ADGRG5: variants seen among roughly 807,000 people sequenced by gnomAD.
ADGRG5 encodes the protein adhesion G protein-coupled receptor G5, also known as G protein-coupled receptor 114.
ADGRG5 carries 37 observed loss-of-function variants against 53.2 expected under a neutral mutation model. The observed-to-expected ratio is 0.70, with a 90% CI of 0.53 to 0.91. The LOEUF is 0.91. Among genes scored for constraint, ADGRG5 ranks in the 40% least tolerant of loss-of-function variants. The probability of loss-of-function intolerance (pLI) is 0.00; values close to 1 mark genes in which losing one functional copy is unlikely to be tolerated. For synonymous variants in ADGRG5, 277 were observed against 290.4 expected (o/e 0.95, Z 0.47); for missense variants, 614 against 675.8 (o/e 0.91, Z 1.01).
In ADGRG5 at chr16:57,576,047, G is replaced by A. The variant is rs2146852450; in HGVS notation, c.*509G>A. Reference sequence around the variant, plus strand: ...GCCTCCACCTGCTTGCTAGGGGCAGGATCTCATTCAGGCTGCCCTGGAAGC... The same window carrying A: ...GCCTCCACCTGCTTGCTAGGGGCAGAATCTCATTCAGGCTGCCCTGGAAGC... On this transcript the variant is annotated 3_prime_UTR_variant, in exon 12 of 12. Coordinates refer to ENST00000349457, the MANE Select transcript of ADGRG5 (RefSeq NM_001304376.3). 6.4e-6 allele frequency: 1 copy of A among 156,762 alleles called. No homozygotes were observed. The highest frequency in any genetic ancestry group is 1.9e-4 in the East Asian group (1 of 5,352). The allele number at this position is 156,762 out of a possible 1,614,324, so 9.7% of individuals were successfully genotyped here.
At chr16:57,536,028 G>A in the ADGRG5 span, among the ~76,000 whole-genome samples, 2 of 152,330 alleles carry the variant, frequency 1.3e-5, no homozygotes, top group Admixed American at 6.5e-5. Flanking sequence ...AGGGTGGAGG[G>A]GGTTCCCGGC....
chr16:57,560,633 G>A (rs1273119631), intron 1 of ADGRG5, among the ~76,000 whole-genome samples: 1 of 152,190 alleles, frequency 6.6e-6, no homozygotes, highest in Non-Finnish European at 1.5e-5. Context: ...TGATTATGGT[G>A]CATCCTCTCT....
intron 8 of ADGRG5, 101 bp downstream of exon 8, chr16:57,567,692 G>A (rs1282939485): frequency 2.0e-6 from 3 of 1,488,042 alleles, no homozygotes; most frequent in Non-Finnish European, 2.7e-6. Context: ...TTCTCCAGAG[G>A]GTGGGGACCA....
chr16:57,536,214 C>T, the ADGRG5 span, among the ~76,000 whole-genome samples: 17 of 152,102 alleles, frequency 1.1e-4, no homozygotes, highest in Non-Finnish European at 2.4e-4. Context: ...CCGCCGCCCC[C>T]TCCCGTCCGG....
chr16:57,535,986 C>A, the ADGRG5 span, among the ~76,000 whole-genome samples: 1 of 152,204 alleles, frequency 6.6e-6, no homozygotes, highest in Non-Finnish European at 1.5e-5. Flanking sequence ...GCTGGCCCTG[C>A]GAACCGCCCC....
chr16:57,537,278 C>T, the ADGRG5 span, among the ~76,000 whole-genome samples: 1 of 151,260 alleles, frequency 6.6e-6, no homozygotes, highest in Non-Finnish European at 1.5e-5. Flanking sequence ...GTCTGGAGGA[C>T]TCCCCACTAC....
Position 57,545,796 on chromosome 16 carries a change from A to G in ADGRG5, c.-39+3095A>G, listed in dbSNP as rs112550250. On this transcript the variant is annotated intron_variant, in intron 1 of 11. Transcript: ENST00000349457. ...TTACAAACAATGTAGCTGTGCTTAT[A>G]TTATTTCTCACATGTGCAAGTTCAC... Among the ~76,000 whole-genome samples the G allele has an allele frequency of 7.0e-3, 1,037 of 148,548 alleles. 14 individuals carry two copies. Among genetic ancestry groups the G allele is most frequent in the African/African-American group, 0.025 (998 of 39,836 alleles).
chr16:57,543,787 G>C (rs1230950910), intron 1 of ADGRG5, among the ~76,000 whole-genome samples: 2 of 152,164 alleles, frequency 1.3e-5, no homozygotes, highest in Non-Finnish European at 2.9e-5. Context: ...CCCAAGCCTT[G>C]TGCTCAGATG....
chr16:57,562,303 C>T (rs2033023435), intron 2 of ADGRG5, 81 bp from the exon 3 acceptor site: 5 of 1,436,800 alleles, frequency 3.5e-6, no homozygotes, highest in South Asian at 2.4e-5. Flanking sequence ...ACTAGACTCT[C>T]AGGGTGGGAT....
chr16:57,564,077 CTGAG>C, intron 5 of ADGRG5, 98 bp downstream of exon 5: 2 of 1,317,410 alleles, frequency 1.5e-6, no homozygotes, highest in South Asian at 2.7e-5. Flanking sequence ...GTGACCAGCA[CTGAG>C]TGAGACCAAC....
chr16:57,563,010 C>T, intron 3 of ADGRG5, 81 bp from the exon 4 acceptor site: 2 of 1,456,876 alleles, frequency 1.4e-6, no homozygotes, highest in Admixed American at 3.4e-5. Context: ...GAGGCCCTGC[C>T]CTCCCAGGCT....
chr16:57,574,482 G>A lies in ADGRG5; in HGVS notation c.1209-333G>A, dbSNP rs1009745637. ...GATCCAATAGAAGATGGGGCATGCC[G>A]GCCTTGGGCTGGCCATGGAAGCAGA... On this transcript the variant is annotated intron_variant, in intron 10 of 11. Transcript: ENST00000349457. The surrounding 1 kb of genome is among the most constrained non-coding windows in gnomAD (Gnocchi z 4.4). 2.0e-5 allele frequency among the ~76,000 whole-genome samples: 3 copies of A among 152,252 alleles called. No individual in the cohort carries two copies. Among genetic ancestry groups the A allele is most frequent in the African/African-American group, 7.2e-5 (3 of 41,464 alleles).
At chr16:57,550,137 T>C (rs2032713304) in intron 1 of ADGRG5, among the ~76,000 whole-genome samples, 1 of 152,150 alleles carries the variant, frequency 6.6e-6, no homozygotes, top group Admixed American at 6.5e-5. Context: ...CTACCACACC[T>C]GGCTAATTGT....
chr16:57,570,008 T>TCACCACCTACTC (rs1555523435), intron 9 of ADGRG5, among the ~76,000 whole-genome samples: 78 of 150,478 alleles, frequency 5.2e-4, no homozygotes, highest in East Asian at 8.0e-4. Flanking sequence ...TTCACCACCA[T>TCACCACCTACTC]CACCACCTAC....
intron 6 of ADGRG5, chr16:57,566,054 G>A (rs139981459): frequency 2.6e-5 from 4 of 152,550 alleles, no homozygotes; most frequent in Non-Finnish European, 4.4e-5. Flanking sequence ...CGTCCTCTAA[G>A]GGTTCAGGGC....
At position 57,563,916 on chromosome 16, in the gene ADGRG5, C is replaced by T. The variant is rs1360057611; in HGVS notation, c.366C>T (p.Cys122=). The T allele has an allele frequency of 9.3e-6, 15 of 1,613,984 alleles. No individual in the cohort carries two copies. The highest frequency in any genetic ancestry group is 1.1e-5 in the Non-Finnish European group (13 of 1,179,996). ...CCGCCGAGCTGACCCGGGACGCCTG[C>T]AAGACCCGCCCCAGGGAGCTGCGGC... The part of the protein sequence containing the change: ...QFPAELTRDA[C]KTRPRELRLI... The change falls in exon 5 of 12, where the codon TGC becomes TGT. Residue 122 remains cysteine, a synonymous_variant. Transcript: ENST00000349457.
At chr16:57,569,532 C>T (rs1396281549) in intron 9 of ADGRG5, among the ~76,000 whole-genome samples, 2 of 151,940 alleles carry the variant, frequency 1.3e-5, no homozygotes, top group Non-Finnish European at 1.5e-5. Flanking sequence ...CTTCCTCCAT[C>T]TCCTCCACCT....
the ADGRG5 span, among the ~76,000 whole-genome samples, chr16:57,530,628 C>T: frequency 2.0e-5 from 3 of 152,116 alleles, no homozygotes; most frequent in Non-Finnish European, 2.9e-5. Context: ...AGCTGTCAAG[C>T]CCCACGGCCC....
chr16:57,563,053 C>G, intron 3 of ADGRG5, 38 bp from the exon 4 acceptor site: 1 of 1,612,710 alleles, frequency 6.2e-7, no homozygotes. Context: ...TACCCCACTC[C>G]GGGCTCTGGC....
Sources: allele counts gnomAD v4.1 joint callset (sites outside exome capture counted in the v4.1 genomes callset), GRCh38; gene constraint gnomAD v4.1.1; non-coding constraint Gnocchi (gnomAD v3.1); transcripts MANE v1.5; gene names NCBI Gene and HGNC (gene_info 2026-07-23, HGNC 2026-07-21).